Variants in PM20D2 observed in about 807,000 individuals in gnomAD.
PM20D2 encodes xaa-Arg dipeptidase.
PM20D2 carries 33 observed loss-of-function variants against 42.9 expected under a neutral mutation model. The observed-to-expected ratio is 0.77, with a 90% CI of 0.58 to 1.03. The LOEUF is 1.03. Ranked by LOEUF, PM20D2 falls within the 50% of genes least tolerant of loss-of-function variation. The pLI is 0.00. For missense variants in PM20D2, 548 were observed against 557.0 expected (o/e 0.98, Z 0.16); for synonymous variants, 250 against 228.2 (o/e 1.10, Z -0.86).
At chr6:89,114,357 G>A in the PM20D2 span, among the ~76,000 whole-genome samples, 17 of 152,188 alleles carry the variant, frequency 1.1e-4, no homozygotes, top group Non-Finnish European at 2.2e-4. Flanking sequence ...GAGCCCAGGA[G>A]GCGGAGGTTG....
At chr6:89,105,558 C>T in the PM20D2 span, 6 of 1,451,474 alleles carry the variant, frequency 4.1e-6, no homozygotes, top group East Asian at 9.4e-5. Context: ...ACACTTTGAA[C>T]ATGAGATATC....
the PM20D2 span, among the ~76,000 whole-genome samples, chr6:89,114,423 G>C: frequency 6.6e-6 from 1 of 152,138 alleles, no homozygotes; most frequent in South Asian, 2.1e-4. Flanking sequence ...GCAAGACTCT[G>C]TCTCAAAATA....
Position 89,164,292 on chromosome 6 carries a change from C to G in PM20D2, c.*2029C>G, listed in dbSNP as rs1053266457. ...AGTTGTGTTGATAATTTAACTGTTA[C>G]AATTTCAGCAGTTGAATTCAGTGAA... On this transcript the variant is annotated 3_prime_UTR_variant, in exon 7 of 7. Transcript: ENST00000275072. 1.3e-5 allele frequency: 2 copies of G among 152,406 alleles called. No individual in the cohort carries two copies. Among genetic ancestry groups the G allele is most frequent in the Non-Finnish European group, 2.9e-5 (2 of 68,034 alleles). 9.4% of individuals were successfully genotyped at this position (152,406 alleles called of 1,614,324 possible).
At chr6:89,102,499 TCA>T in the PM20D2 span, among the ~76,000 whole-genome samples, 14 of 152,250 alleles carry the variant, frequency 9.2e-5, no homozygotes, top group South Asian at 4.1e-4. Flanking sequence ...TGGAATAAAT[TCA>T]CAGTCTTTTA....
chr6:89,120,839 C>G, the PM20D2 span, among the ~76,000 whole-genome samples: 23 of 152,170 alleles, frequency 1.5e-4, no homozygotes, highest in Non-Finnish European at 1.5e-5. Context: ...TGCCAGTGCA[C>G]TGCATTCCAG....
chr6:89,146,203 T>C lies in PM20D2; in HGVS notation c.59T>C (p.Leu20Pro). 1 of 1,563,476 alleles carries C rather than the reference T, an allele frequency of 6.4e-7. No homozygotes were observed. Among genetic ancestry groups the C allele is most frequent in the Non-Finnish European group, 8.6e-7 (1 of 1,162,910 alleles). Residue 20 changes from leucine to proline, a missense_variant, in exon 1 of 7, where the codon CTG becomes CCG. This residue lies in a region of PM20D2 where 470 missense variants were observed against 464.4 expected (regional missense o/e 1.01). Coordinates refer to ENST00000275072, the MANE Select transcript of PM20D2 (RefSeq NM_001010853.3). ...GGCGCGTGCAATGGCCGCTCCGAGC[T>C]GGAGCTACTGAAGCTGCGCTCGGCG... ...EGGACNGRSE[L>P]ELLKLRSAEC...
chr6:89,105,327 A>G, the PM20D2 span: 2 of 1,566,010 alleles, frequency 1.3e-6, no homozygotes, highest in Non-Finnish European at 1.7e-6. Context: ...CAACCACTCA[A>G]CTAGCAATCA....
chr6:89,117,795 C>T, the PM20D2 span: 99 of 1,539,958 alleles, frequency 6.4e-5, no homozygotes, highest in Middle Eastern at 1.8e-3. Flanking sequence ...CTCCTCCGCG[C>T]CCCCAACCTG....
the PM20D2 span, chr6:89,105,646 A>C: frequency 4.2e-6 from 3 of 706,678 alleles, no homozygotes; most frequent in Non-Finnish European, 6.7e-6. Flanking sequence ...TATTAAGCTC[A>C]CATCTTCAAT....
the PM20D2 span, among the ~76,000 whole-genome samples, chr6:89,112,742 C>CT: frequency 1.3e-5 from 2 of 152,022 alleles, no homozygotes; most frequent in Non-Finnish European, 2.9e-5. Flanking sequence ...TAGCTTTTTC[C>CT]TTTTTTCATT....
At position 89,146,170 on chromosome 6, in the gene PM20D2, T is replaced by C. The variant is rs771208987; in HGVS notation, c.26T>C (p.Val9Ala). MRPGGERPVEGGACNGRSE... is the reference protein window; with the variant it reads MRPGGERPAEGGACNGRSE... ...ATGAGGCCCGGAGGGGAGCGGCCCG[T>C]GGAAGGGGGCGCGTGCAATGGCCGC... Residue 9 changes from valine (V) to alanine (A), a missense_variant, in exon 1 of 7, where the codon GTG becomes GCG. This residue lies in a region of PM20D2 where 470 missense variants were observed against 464.4 expected (regional missense o/e 1.01). Transcript: ENST00000275072. 33 of 1,521,344 alleles carry C rather than the reference T, an allele frequency of 2.2e-5. 2 individuals carry two copies. The highest frequency in any genetic ancestry group is 4.0e-4 in the Middle Eastern group (2 of 5,010). 94.2% of individuals were successfully genotyped at this position (1,521,344 alleles called of 1,614,324 possible).
the PM20D2 span, among the ~76,000 whole-genome samples, chr6:89,139,657 G>A: frequency 6.6e-6 from 1 of 152,164 alleles, no homozygotes; most frequent in African/African-American, 2.4e-5. Flanking sequence ...GCAATGACCT[G>A]TGATCACGCC....
chr6:89,119,600 C>T, the PM20D2 span, among the ~76,000 whole-genome samples: 3 of 152,086 alleles, frequency 2.0e-5, no homozygotes, highest in Admixed American at 1.3e-4. Flanking sequence ...ATTTGGTGGC[C>T]CGAAACAACA....
At chr6:89,156,340 T>C (rs887381413) in intron 4 of PM20D2, among the ~76,000 whole-genome samples, 1 of 152,246 alleles carries the variant, frequency 6.6e-6, no homozygotes, top group Non-Finnish European at 1.5e-5. Flanking sequence ...TCAGCCTAGC[T>C]AATTCTGTAA....
the PM20D2 span, among the ~76,000 whole-genome samples, chr6:89,126,751 C>A: frequency 6.6e-6 from 1 of 151,396 alleles, no homozygotes; most frequent in Non-Finnish European, 1.5e-5. Context: ...TACCATTTGG[C>A]ACCCCTTATG....
the PM20D2 span, among the ~76,000 whole-genome samples, chr6:89,138,044 A>C: frequency 6.7e-6 from 1 of 150,122 alleles, no homozygotes; most frequent in Non-Finnish European, 1.5e-5. Flanking sequence ...TGCTATGGTC[A>C]AATCTGGGGT....
At chr6:89,103,463 G>C in the PM20D2 span, among the ~76,000 whole-genome samples, 2 of 152,016 alleles carry the variant, frequency 1.3e-5, no homozygotes, top group East Asian at 3.9e-4. Flanking sequence ...CAAGTAGCTG[G>C]GATTACAGGC....
Position 89,146,197 on chromosome 6 carries a change from C to G in PM20D2, c.53C>G (p.Ser18Cys). 6.4e-7 allele frequency: 1 copy of G among 1,550,906 alleles called. No homozygotes were observed. Residue 18 changes from serine (S) to cysteine (C), a missense_variant, in exon 1 of 7, where the codon TCC (serine) becomes TGC (cysteine). Coordinates refer to ENST00000275072, the MANE Select transcript of PM20D2 (RefSeq NM_001010853.3). Reference protein sequence around the residue: ...PVEGGACNGRSELELLKLRSA... With the variant: ...PVEGGACNGRCELELLKLRSA... Reference sequence around the variant, plus strand: ...GAAGGGGGCGCGTGCAATGGCCGCTCCGAGCTGGAGCTACTGAAGCTGCGC... The same window carrying G: ...GAAGGGGGCGCGTGCAATGGCCGCTGCGAGCTGGAGCTACTGAAGCTGCGC...
chr6:89,122,237 T>C, the PM20D2 span, among the ~76,000 whole-genome samples: 3 of 152,232 alleles, frequency 2.0e-5, no homozygotes, highest in Non-Finnish European at 4.4e-5. Flanking sequence ...TACATTCTTT[T>C]TGTCTCTTAG....
Sources: gnomAD v4.1 joint callset for allele counts (sites outside exome capture counted in the v4.1 genomes callset) on GRCh38, gnomAD v4.1.1 for gene constraint, gnomAD v4.1.1 regional missense constraint, MANE v1.5 for transcripts, NCBI Gene and HGNC (gene_info 2026-07-23, HGNC 2026-07-21) for gene names.